Variants in RAD51B observed in about 807,000 individuals in gnomAD.
The protein encoded by RAD51B is RAD51 paralog B.
Under a neutral mutation model 42.2 loss-of-function variants are expected in RAD51B, and 38 were observed. The observed-to-expected ratio is 0.90, with a 90% CI of 0.70 to 1.18. The LOEUF is 1.18. Among genes scored for constraint, RAD51B ranks in the 50% most tolerant of loss-of-function variants. The pLI, the probability that RAD51B is intolerant of heterozygous loss-of-function variation, is 0.00. For missense variants in RAD51B, 373 were observed against 400.7 expected (o/e 0.93, Z 0.59); for synonymous variants, 154 against 145.2 (o/e 1.06, Z -0.43).
At chr14:68,132,834 C>G (rs7147935) in intron 7 of RAD51B, among the ~76,000 whole-genome samples, 17,143 of 152,236 alleles carry the variant, frequency 0.11, 2,934 homozygotes, top group African/African-American at 0.37. Context: ...TCCCAACAAT[C>G]AAGAGAAACT....
At position 68,594,354 on chromosome 14, in the gene RAD51B, A is replaced by ACATT. The variant is rs1452348502; in HGVS notation, c.1037-129_1037-126dup. 8.7e-6 allele frequency: 7 copies of ACATT among 807,356 alleles called. No homozygotes were observed. The African/African-American group carries it at 1.3e-4, about 15-fold the overall frequency. 50.0% of individuals were successfully genotyped at this position (807,356 alleles called of 1,614,324 possible). A position where few individuals can be genotyped will look rare whatever the true frequency, so the allele number is the denominator to read the frequency against. On this transcript the variant is annotated intron_variant, in intron 10 of 10. Transcript: ENST00000487270. ...CTTTTGCACATGTCTACCGTTATGT[A>ACATT]CATTCCTATGCCATACCCCTTGAAC...
At chr14:68,346,717 T>C (rs944058345) in intron 8 of RAD51B, among the ~76,000 whole-genome samples, 2 of 152,204 alleles carry the variant, frequency 1.3e-5, no homozygotes, top group Non-Finnish European at 2.9e-5. Context: ...CCAGACTCCC[T>C]AGCATACATA....
At chr14:68,369,831 ATATATC>A (rs2083216851) in intron 8 of RAD51B, among the ~76,000 whole-genome samples, 2 of 152,166 alleles carry the variant, frequency 1.3e-5, no homozygotes, top group Non-Finnish European at 2.9e-5. Flanking sequence ...GCTACATACT[ATATATC>A]TATATCTGTC....
chr14:68,383,232 A>G (rs1289069763), intron 8 of RAD51B, among the ~76,000 whole-genome samples: 1 of 152,238 alleles, frequency 6.6e-6, no homozygotes, highest in Non-Finnish European at 1.5e-5. Flanking sequence ...AGACTCTAAC[A>G]TCCCTCACTG....
chr14:68,153,658 G>T (rs1360649085), intron 7 of RAD51B, among the ~76,000 whole-genome samples: 1 of 151,956 alleles, frequency 6.6e-6, no homozygotes, highest in Admixed American at 6.6e-5. Flanking sequence ...GTCTATTCAT[G>T]TCCTTTTTAA....
chr14:68,087,338 G>C (rs1354745833), intron 7 of RAD51B, among the ~76,000 whole-genome samples: 1 of 152,108 alleles, frequency 6.6e-6, no homozygotes, highest in Non-Finnish European at 1.5e-5. Flanking sequence ...CAGAGTAGCA[G>C]GGTGTTCTGA....
intron 5 of RAD51B, chr14:67,885,638 A>G (rs2043039614): frequency 3.3e-6 from 1 of 301,180 alleles, no homozygotes; most frequent in Non-Finnish European, 6.0e-6. Flanking sequence ...TTGTTTGCTC[A>G]AGATTAGATG....
chr14:68,122,785 T>C lies in RAD51B; in HGVS notation c.757-169099T>C, dbSNP rs183243449. Among the ~76,000 whole-genome samples, 518 of 152,370 alleles carry C rather than the reference T, an allele frequency of 3.4e-3. 2 individuals carry two copies. The highest frequency in any genetic ancestry group is 4.9e-3 in the Non-Finnish European group (335 of 68,028). On this transcript the variant is annotated intron_variant, in intron 7 of 10. Coordinates refer to ENST00000471583, the MANE Select transcript of RAD51B (RefSeq NM_133510.4). ...TAGCAGAGGACTGGAAACAACTTAA[T>C]TGTCATCAATAGGAGACTGAATCAG...
chr14:68,539,543 G>A (rs956230955), intron 10 of RAD51B, among the ~76,000 whole-genome samples: 2 of 152,218 alleles, frequency 1.3e-5, no homozygotes, highest in Non-Finnish European at 2.9e-5. Context: ...CTCCATAGAT[G>A]GGAGAGAAAA....
At chr14:68,240,125 G>C (rs2080351075) in intron 7 of RAD51B, among the ~76,000 whole-genome samples, 1 of 152,182 alleles carries the variant, frequency 6.6e-6, no homozygotes, top group African/African-American at 2.4e-5. Flanking sequence ...CTATTACCCT[G>C]GGTGTTGTAT....
intron 9 of RAD51B, among the ~76,000 whole-genome samples, chr14:68,462,757 T>G (rs1303338105): frequency 6.6e-6 from 1 of 152,130 alleles, no homozygotes; most frequent in Non-Finnish European, 1.5e-5. Flanking sequence ...TTTGTTAGAG[T>G]GCAGTTAAAG....
intron 10 of RAD51B, among the ~76,000 whole-genome samples, chr14:68,642,918 T>C (rs190002451): frequency 6.6e-5 from 10 of 152,380 alleles, no homozygotes; most frequent in African/African-American, 2.4e-4. Flanking sequence ...TTTCCAGCTA[T>C]CAGACTATTT....
intron 7 of RAD51B, among the ~76,000 whole-genome samples, chr14:67,963,136 T>C (rs544878534): frequency 6.6e-6 from 1 of 152,130 alleles, no homozygotes; most frequent in African/African-American, 2.4e-5. Flanking sequence ...ATATTTTTTA[T>C]TTTTAACTGT....
chr14:68,092,293 A>G (rs553677058), intron 7 of RAD51B, among the ~76,000 whole-genome samples: 53 of 152,296 alleles, frequency 3.5e-4, no homozygotes, highest in East Asian at 2.1e-3. Context: ...CTTGGGCAGT[A>G]TGGCCATTTT....
chr14:67,878,288 GT>G lies in RAD51B; in HGVS notation c.453-7577del, dbSNP rs201711477. Among the ~76,000 whole-genome samples, 502 of 152,144 alleles carry G rather than the reference GT, an allele frequency of 3.3e-3. 3 individuals are homozygous for G. The highest frequency in any genetic ancestry group is 0.012 in the African/African-American group (479 of 41,516). Reference sequence around the variant, plus strand: ...TGCGGGAAAAAAGTGATAGCTCATTGTTTTAACTATTGTGAACCAACATCTT... The same window carrying G: ...TGCGGGAAAAAAGTGATAGCTCATTGTTTAACTATTGTGAACCAACATCTT... On this transcript the variant is annotated intron_variant, in intron 5 of 10. Transcript: ENST00000471583.
At chr14:68,012,584 A>G (rs531489934) in intron 7 of RAD51B, among the ~76,000 whole-genome samples, 1 of 152,272 alleles carries the variant, frequency 6.6e-6, no homozygotes, top group South Asian at 2.1e-4. Flanking sequence ...TGCCAGCAAC[A>G]AAGCAGGATG....
At chr14:68,522,122 G>A (rs1432717230) in intron 10 of RAD51B, among the ~76,000 whole-genome samples, 4 of 152,218 alleles carry the variant, frequency 2.6e-5, no homozygotes, top group East Asian at 1.9e-4. Flanking sequence ...TGAGTGGGAT[G>A]TGAGCCTGAG....
At chr14:68,306,517 C>G in intron 8 of RAD51B, 1 of 380,164 alleles carries the variant, frequency 2.6e-6, no homozygotes, top group South Asian at 2.2e-5. Flanking sequence ...CAAGCCCAAG[C>G]TGAACAGCTC....
intron 7 of RAD51B, among the ~76,000 whole-genome samples, chr14:67,897,675 G>GT (rs1374739793): frequency 2.7e-5 from 4 of 150,344 alleles, no homozygotes; most frequent in Non-Finnish European, 5.9e-5. Flanking sequence ...TTGAGATGGA[G>GT]TTTCGCTCTT....
Sources: gnomAD v4.1 joint callset for allele counts (sites outside exome capture counted in the v4.1 genomes callset) on GRCh38, gnomAD v4.1.1 for gene constraint, MANE v1.5 for transcripts, NCBI Gene and HGNC (gene_info 2026-07-23, HGNC 2026-07-21) for gene names.